EYS: variants seen among roughly 807,000 people sequenced by gnomAD.
The protein encoded by EYS is protein eyes shut homolog.
EYS carries 250 observed loss-of-function variants against 282.1 expected under a neutral mutation model. The observed-to-expected ratio is 0.89, with a 90% CI of 0.80 to 0.98. The LOEUF is 0.98. Among genes scored for constraint, EYS ranks in the 50% least tolerant of loss-of-function variants. The pLI is 0.00. For synonymous variants in EYS, 1,355 were observed against 1,282.9 expected, an observed-to-expected ratio of 1.06 and a Z score of -1.20; for missense variants, 4,016 against 3,709.0, an observed-to-expected ratio of 1.08 and a Z score of -2.15.
intron 12 of EYS, among the ~76,000 whole-genome samples, chr6:65,068,246 G>A (rs1478539924): frequency 2.0e-5 from 3 of 151,974 alleles, no homozygotes; most frequent in East Asian, 3.9e-4. Flanking sequence ...ACTTTCCAAC[G>A]GAGTCGAATG....
rs917361527 is a variant in EYS at position 64,474,247 on chromosome 6, T to C, written c.5645-34895A>G. ...CAGATGTTTCAGTGACTTCTATATA[T>C]AAATTTATAACTTGTTCAACTAAGG... On this transcript the variant is annotated intron_variant, in intron 26 of 42. Transcript: ENST00000503581. Among the ~76,000 whole-genome samples the C allele has an allele frequency of 3.9e-5, 6 of 152,316 alleles. No individual in the cohort carries two copies. The South Asian group carries it at 8.3e-4, about 21-fold the overall frequency.
At chr6:65,166,319 T>C (rs1174975038) in intron 12 of EYS, among the ~76,000 whole-genome samples, 1 of 151,146 alleles carries the variant, frequency 6.6e-6, no homozygotes, top group African/African-American at 2.4e-5. Flanking sequence ...GACTTGCACT[T>C]TGTATTTTTA....
In EYS at chr6:65,043,144, G is replaced by A. The variant is rs541517134; in HGVS notation, c.2137+14470C>T. 2.4e-4 allele frequency among the ~76,000 whole-genome samples: 37 copies of A among 151,452 alleles called. 1 individual carries two copies. The South Asian group carries it at 6.2e-3, about 25-fold the overall frequency. On this transcript the variant is annotated intron_variant, in intron 13 of 42. Coordinates refer to ENST00000503581, the MANE Select transcript of EYS (RefSeq NM_001142800.2). Reference sequence around the variant, plus strand: ...GGTACAATGTGATGTTTTGATATACGTATACAAAGTTCAATGATTAAATTG... The same window carrying A: ...GGTACAATGTGATGTTTTGATATACATATACAAAGTTCAATGATTAAATTG...
chr6:63,795,933 C>T (rs1770634560), intron 37 of EYS, among the ~76,000 whole-genome samples: 1 of 151,950 alleles, frequency 6.6e-6, no homozygotes, highest in Non-Finnish European at 1.5e-5. Flanking sequence ...ATGAAATTCT[C>T]ATGAGAAAAA....
intron 26 of EYS, among the ~76,000 whole-genome samples, chr6:64,531,786 A>T (rs566583825): frequency 2.6e-5 from 4 of 152,160 alleles, no homozygotes; most frequent in Admixed American, 2.6e-4. Flanking sequence ...AGAAATATTC[A>T]TGCAGGGACT....
Position 64,591,582 on chromosome 6 carries a change from T to G in EYS, c.4285A>C (p.Arg1429=). 1 of 1,551,284 alleles carries G rather than the reference T, an allele frequency of 6.4e-7. No homozygotes were observed. Among genetic ancestry groups the G allele is most frequent in the South Asian group, 1.2e-5 (1 of 84,054 alleles). The change falls in exon 26 of 43, where the codon AGA becomes CGA. Residue 1429 remains arginine, a synonymous_variant. Coordinates refer to ENST00000503581, the MANE Select transcript of EYS (RefSeq NM_001142800.2). ...LSATPTTSVI[R]SIPGADIELN... ...TCAATATCAGCCCCTGGAATGCTTC[T>G]AATTACTGAAGTCGTTGGGGTAGCA...
chr6:64,759,675 G>T (rs534782396), intron 22 of EYS, among the ~76,000 whole-genome samples: 1 of 151,952 alleles, frequency 6.6e-6, no homozygotes, highest in South Asian at 2.1e-4. Context: ...AAATAAAGGA[G>T]GATTTAATCA....
intron 30 of EYS, among the ~76,000 whole-genome samples, chr6:64,256,206 A>G (rs1328264545): frequency 6.6e-6 from 1 of 152,034 alleles, no homozygotes; most frequent in Non-Finnish European, 1.5e-5. Flanking sequence ...AAATAGATTC[A>G]TCTTGATAAA....
At chr6:64,567,471 T>G (rs1262696439) in intron 26 of EYS, among the ~76,000 whole-genome samples, 1 of 152,128 alleles carries the variant, frequency 6.6e-6, no homozygotes, top group Non-Finnish European at 1.5e-5. Context: ...CACAAATAAA[T>G]ATAAGAATTG....
intron 33 of EYS, among the ~76,000 whole-genome samples, chr6:64,010,245 G>A (rs1235023078): frequency 1.3e-5 from 2 of 152,208 alleles, no homozygotes; most frequent in East Asian, 1.9e-4. Flanking sequence ...TGCCTGCACC[G>A]TGGCAGAGTA....
intron 24 of EYS, among the ~76,000 whole-genome samples, chr6:64,607,467 TCTAA>T (rs1328460417): frequency 1.3e-5 from 2 of 152,092 alleles, no homozygotes; most frequent in East Asian, 1.9e-4. Context: ...GATGGTGCCT[TCTAA>T]CTATGTCCTC....
intron 35 of EYS, among the ~76,000 whole-genome samples, chr6:63,908,232 C>T (rs1048795038): frequency 6.6e-6 from 1 of 151,254 alleles, no homozygotes; most frequent in African/African-American, 2.4e-5. Flanking sequence ...CATTGCTAAT[C>T]ATCAAGAATG....
intron 1 of EYS, among the ~76,000 whole-genome samples, chr6:65,689,200 A>G (rs1355887063): frequency 6.7e-6 from 1 of 149,792 alleles, no homozygotes; most frequent in Non-Finnish European, 1.5e-5. Context: ...AGCCATAAAA[A>G]AGGATGAATT....
At chr6:65,243,939 C>A (rs1455224300) in intron 12 of EYS, among the ~76,000 whole-genome samples, 2 of 152,002 alleles carry the variant, frequency 1.3e-5, no homozygotes, top group Non-Finnish European at 2.9e-5. Flanking sequence ...TATTTTTTTC[C>A]ATTTTGCTAG....
chr6:64,420,535 CT>C (rs1301712572), intron 28 of EYS, among the ~76,000 whole-genome samples: 1 of 152,120 alleles, frequency 6.6e-6, no homozygotes, highest in East Asian at 1.9e-4. Flanking sequence ...CATATGGAAA[CT>C]GCCAAGATTT....
chr6:64,992,622 C>T (rs1170323546), intron 14 of EYS, among the ~76,000 whole-genome samples: 1 of 151,900 alleles, frequency 6.6e-6, no homozygotes, highest in Non-Finnish European at 1.5e-5. Flanking sequence ...GCTTTTGTCT[C>T]TCTTTTTGCT....
intron 5 of EYS, among the ~76,000 whole-genome samples, chr6:65,419,317 T>C (rs1321922616): frequency 6.6e-6 from 1 of 151,930 alleles, no homozygotes; most frequent in Non-Finnish European, 1.5e-5. Context: ...ATTATATGTG[T>C]TTTAAAAGAC....
chr6:64,346,949 G>A (rs914183711), intron 29 of EYS, among the ~76,000 whole-genome samples: 5 of 151,440 alleles, frequency 3.3e-5, no homozygotes, highest in African/African-American at 1.2e-4. Flanking sequence ...AACTTTTCTA[G>A]CTTTGACTAC....
chr6:64,710,547 A>G (rs559613015), intron 22 of EYS, among the ~76,000 whole-genome samples: 5 of 152,286 alleles, frequency 3.3e-5, no homozygotes, highest in African/African-American at 1.2e-4. Flanking sequence ...GCCCACTCCC[A>G]CCCTGTGGAG....
Sources: allele counts gnomAD v4.1 joint callset (sites outside exome capture counted in the v4.1 genomes callset), GRCh38; gene constraint gnomAD v4.1.1; transcripts MANE v1.5; gene names NCBI Gene and HGNC (gene_info 2026-07-23, HGNC 2026-07-21).